The following ATL3 variants were observed in gnomAD, a reference collection of about 807,000 sequenced individuals.
The protein encoded by ATL3 is atlastin GTPase 3.
In ATL3, 49 loss-of-function variants were observed where a neutral mutation model predicts 69.5. The observed-to-expected ratio is 0.71, with a 90% CI of 0.56 to 0.89. ATL3 has a LOEUF of 0.89. Among genes scored for constraint, ATL3 ranks in the 40% least tolerant of loss-of-function variants. The pLI, the probability that ATL3 is intolerant of heterozygous loss-of-function variation, is 0.00. For synonymous variants in ATL3, 214 were observed against 224.1 expected (o/e 0.95, Z 0.40); for missense variants, 606 against 645.7 (o/e 0.94, Z 0.67).
chr11:63,671,632 G>C (rs1287880001), upstream of ATL3: 1 of 1,417,798 alleles, frequency 7.1e-7, no homozygotes. Flanking sequence ...GAGCCGCCGG[G>C]TACCTGTTGG....
chr11:63,629,581 A>C (rs906312474), intron 12 of ATL3, among the ~76,000 whole-genome samples, 176 bp from the exon 13 acceptor site: 1 of 152,252 alleles, frequency 6.6e-6, no homozygotes, highest in Non-Finnish European at 1.5e-5. Flanking sequence ...CAAGAGAGCC[A>C]GGGGAACATC....
chr11:63,632,049 T>C lies in ATL3; in HGVS notation c.1108-578A>G, dbSNP rs200757278. Among the ~76,000 whole-genome samples, 4 of 152,288 alleles carry C rather than the reference T, an allele frequency of 2.6e-5. No individual in the cohort carries two copies. The East Asian group carries it at 5.8e-4, about 22-fold the overall frequency. ...GAGAAAGGCCCACCTGTGTCCTGGT[T>C]GAGGGTCCTCAGGGTTCTTTGGGAC... On this transcript the variant is annotated intron_variant, in intron 11 of 12. Coordinates refer to ENST00000398868, the MANE Select transcript of ATL3 (RefSeq NM_015459.5).
chr11:63,644,381 CCTTT>C (rs1939800177), intron 6 of ATL3, 120 bp from the exon 7 acceptor site: 3 of 478,206 alleles, frequency 6.3e-6, no homozygotes, highest in Admixed American at 8.3e-5. Context: ...GAAGGATTTA[CCTTT>C]TTTTTTTTTT....
chr11:63,664,527 G>A (rs149297669), intron 1 of ATL3, among the ~76,000 whole-genome samples: 24 of 151,644 alleles, frequency 1.6e-4, no homozygotes, highest in African/African-American at 5.6e-4. Flanking sequence ...GCAACAGAGC[G>A]AAACTCTGTC....
chr11:63,635,498 T>C, intron 10 of ATL3, 36 bp downstream of exon 10: 1 of 1,570,508 alleles, frequency 6.4e-7, no homozygotes, highest in Non-Finnish European at 8.8e-7. Context: ...TCAAGTAATT[T>C]AAGGGTAGCG....
At chr11:63,665,363 A>G (rs1338875673) in intron 1 of ATL3, among the ~76,000 whole-genome samples, 2 of 149,860 alleles carry the variant, frequency 1.3e-5, no homozygotes, top group Admixed American at 1.3e-4. Flanking sequence ...AAAAAAAAAA[A>G]GAAGAATGTA....
At chr11:63,667,688 T>C (rs920838568) in intron 1 of ATL3, among the ~76,000 whole-genome samples, 1 of 149,062 alleles carries the variant, frequency 6.7e-6, no homozygotes, top group Non-Finnish European at 1.5e-5. Flanking sequence ...CACTTGAACT[T>C]GGGAGATGGA....
intron 4 of ATL3, 58 bp downstream of exon 4, chr11:63,652,413 T>C: frequency 9.1e-7 from 1 of 1,101,906 alleles, no homozygotes; most frequent in Admixed American, 2.4e-5. Context: ...CAAAACTGTA[T>C]TTCCTCCCTT....
At chr11:63,639,039 C>T (rs1006338897) in intron 8 of ATL3, among the ~76,000 whole-genome samples, 4 of 152,164 alleles carry the variant, frequency 2.6e-5, no homozygotes, top group Non-Finnish European at 5.9e-5. Context: ...AACAGGACTG[C>T]AGAATCTCAA....
upstream of ATL3, chr11:63,671,607 G>A (rs1289047565): frequency 1.4e-6 from 2 of 1,425,968 alleles, no homozygotes; most frequent in Admixed American, 4.9e-5. Flanking sequence ...ACCGCCTGCC[G>A]CGTGTGCGCG....
intron 5 of ATL3, among the ~76,000 whole-genome samples, chr11:63,647,818 A>AT (rs1369838612): frequency 6.6e-6 from 1 of 152,254 alleles, no homozygotes; most frequent in East Asian, 1.9e-4. Flanking sequence ...GCCCTGTCAA[A>AT]AACATTCTGG....
chr11:63,663,151 C>T (rs1342677886), intron 1 of ATL3, among the ~76,000 whole-genome samples: 2 of 151,604 alleles, frequency 1.3e-5, no homozygotes, highest in African/African-American at 4.8e-5. Context: ...CAGTATTTTG[C>T]TCTGGCACAC....
rs1385003611 is a variant in ATL3 at position 63,659,066 on chromosome 11, T to C, written c.233A>G (p.Asp78Gly). Reference sequence around the variant, plus strand: ...AGAATATAAGTATCGTAGCATAAAATCCAGAATGAAGGACTTGCCCTTTCG... The same window carrying C: ...AGAATATAAGTATCGTAGCATAAAACCCAGAATGAAGGACTTGCCCTTTCG... ...AFRKGKSFIL[D>G]FMLRYLYSQK... is the part of the protein sequence containing the mutation. The change falls in exon 2 of 13, where the codon GAT becomes GGT. Residue 78 changes from aspartate to glycine, a missense_variant. By Grantham distance (94) the Asp-to-Gly change is moderately conservative. Transcript: ENST00000398868. 5 of 1,614,008 alleles carry C rather than the reference T, an allele frequency of 3.1e-6. No homozygotes were observed. The African/African-American group carries it at 5.3e-5, about 17-fold the overall frequency.
intron 5 of ATL3, chr11:63,650,724 A>C (rs1419113137): frequency 6.6e-6 from 1 of 152,154 alleles, no homozygotes; most frequent in Non-Finnish European, 1.5e-5. Flanking sequence ...TATCTATAGC[A>C]CTTGGCCCTC....
chr11:63,634,775 T>G (rs1939460866), intron 10 of ATL3, among the ~76,000 whole-genome samples: 1 of 152,040 alleles, frequency 6.6e-6, no homozygotes, highest in Non-Finnish European at 1.5e-5. Context: ...ATCTTAGCAC[T>G]TCGGGAAGCT....
intron 10 of ATL3, among the ~76,000 whole-genome samples, chr11:63,634,390 C>T (rs1036353131): frequency 1.3e-5 from 2 of 151,676 alleles, no homozygotes; most frequent in Non-Finnish European, 2.9e-5. Context: ...GCCTGCAGTC[C>T]CAGCTACTCG....
At chr11:63,663,426 T>A (rs1050985628) in intron 1 of ATL3, among the ~76,000 whole-genome samples, 1 of 152,238 alleles carries the variant, frequency 6.6e-6, no homozygotes, top group Admixed American at 6.5e-5. Flanking sequence ...TGATAGCCAC[T>A]GTGGCTGGCT....
intron 1 of ATL3, among the ~76,000 whole-genome samples, chr11:63,666,705 C>T (rs1048489051): frequency 1.1e-4 from 17 of 152,134 alleles, no homozygotes; most frequent in East Asian, 2.0e-4. Context: ...CCACCGTGCC[C>T]GGTCCACTTG....
chr11:63,669,796 A>C (rs1849186603), intron 1 of ATL3, among the ~76,000 whole-genome samples: 1 of 151,788 alleles, frequency 6.6e-6, no homozygotes, highest in Non-Finnish European at 1.5e-5. Context: ...AAAATACAAA[A>C]AATTAGCTGG....
Sources: gnomAD v4.1 joint callset for allele counts (sites outside exome capture counted in the v4.1 genomes callset) on GRCh38, gnomAD v4.1.1 for gene constraint, MANE v1.5 for transcripts, NCBI Gene and HGNC (gene_info 2026-07-23, HGNC 2026-07-21) for gene names.